Variants in ABCC4 observed in about 807,000 individuals in gnomAD.
ABCC4 encodes ATP binding cassette subfamily C member 4 (PEL blood group), also known as ATP-binding cassette sub-family C member 4.
ABCC4 carries 102 observed loss-of-function variants against 168.5 expected under a neutral mutation model. The ratio of observed to expected loss-of-function variants is 0.61; its 90% CI spans 0.52 to 0.71. ABCC4 has a LOEUF of 0.71. ABCC4 is among the 30% of genes least tolerant of loss of function. The pLI is 0.00. For missense variants in ABCC4, 1,402 were observed against 1,605.8 expected (o/e 0.87, Z 2.17); for synonymous variants, 617 against 590.7 (o/e 1.04, Z -0.65).
At chr13:95,108,357 C>A (rs1007088335) in intron 20 of ABCC4, among the ~76,000 whole-genome samples, 1 of 152,102 alleles carries the variant, frequency 6.6e-6, no homozygotes, top group African/African-American at 2.4e-5. Flanking sequence ...TTGGCTGTGT[C>A]CCCACCCAAA....
At chr13:95,146,123 A>G (rs764307948) in intron 19 of ABCC4, among the ~76,000 whole-genome samples, 1 of 151,484 alleles carries the variant, frequency 6.6e-6, no homozygotes, top group Non-Finnish European at 1.5e-5. Flanking sequence ...AGGCAGGATA[A>G]TTGCTTACAC....
intron 8 of ABCC4, among the ~76,000 whole-genome samples, chr13:95,205,611 G>A (rs543324318): frequency 6.6e-6 from 1 of 152,260 alleles, no homozygotes; most frequent in Non-Finnish European, 1.5e-5. Context: ...TGGCAATTGA[G>A]TGACAGCGAC....
chr13:95,110,623 A>C (rs1392479555), intron 20 of ABCC4, among the ~76,000 whole-genome samples: 2 of 152,194 alleles, frequency 1.3e-5, no homozygotes, highest in African/African-American at 4.8e-5. Flanking sequence ...TTTTAAGAAA[A>C]TGGAAGAAGA....
rs11285335 is a variant in ABCC4 at position 95,054,547 on chromosome 13, T to TA, written c.3367-1364dup. Among the ~76,000 whole-genome samples, 687 of 148,734 alleles carry TA rather than the reference T, an allele frequency of 4.6e-3. 7 individuals carry two copies. The highest frequency in any genetic ancestry group is 0.015 in the African/African-American group (606 of 40,356). The stretch of plus-strand genomic sequence containing the variant: ...TGGGCCACAGAGCAAGTCTCCATCT[T>TA]AAAAAAAAAAACAACAAAAAAACAA... On this transcript the variant is annotated intron_variant, in intron 26 of 30. Coordinates refer to ENST00000645237, the MANE Select transcript of ABCC4 (RefSeq NM_005845.5).
chr13:95,029,265 G>C (rs1462089118), intron 30 of ABCC4, among the ~76,000 whole-genome samples: 1 of 34,970 alleles, frequency 2.9e-5, no homozygotes, highest in African/African-American at 8.7e-5. Flanking sequence ...AAGAGAGAGA[G>C]AGAGAGAGAG....
At position 95,234,625 on chromosome 13, in the gene ABCC4, AT is replaced by A. The variant is rs1366968924; in HGVS notation, c.515del (p.His172LeufsTer2). 1 of 1,613,772 alleles carries A rather than the reference AT, an allele frequency of 6.2e-7. No homozygotes were observed. ...AGMRLRVAMCHMIYRKALRLS... is the reference protein window; with the variant it reads ...AGMRLRVAMCXMIYRKALRLS... Reference sequence around the variant, plus strand: ...TGTCACTTACCTTCCGATAAATCATATGGCACATGGCTACTCGTAACCTCAT... The same window carrying A: ...TGTCACTTACCTTCCGATAAATCATAGGCACATGGCTACTCGTAACCTCAT... On this transcript the variant is annotated frameshift_variant, in exon 4 of 31. Transcript: ENST00000645237. LOFTEE classifies it high-confidence loss of function.
At chr13:95,071,620 A>C in intron 25 of ABCC4, 42 bp downstream of exon 25, 1 of 1,385,270 alleles carries the variant, frequency 7.2e-7, no homozygotes, top group Non-Finnish European at 9.5e-7. Context: ...CATAGCACTA[A>C]ATCTTCTGAA....
intron 30 of ABCC4, among the ~76,000 whole-genome samples, chr13:95,025,573 T>C (rs924985590): frequency 1.7e-4 from 25 of 149,006 alleles, no homozygotes; most frequent in Non-Finnish European, 4.5e-5. Context: ...GAAAATTCCC[T>C]TTAGCCAGAA....
At chr13:95,175,357 G>C (rs1225024026) in intron 13 of ABCC4, among the ~76,000 whole-genome samples, 1 of 152,008 alleles carries the variant, frequency 6.6e-6, no homozygotes, top group Non-Finnish European at 1.5e-5. Flanking sequence ...TCGTCATCCA[G>C]GCTGGAGTGC....
At chr13:95,144,449 A>G (rs1019195914) in intron 19 of ABCC4, among the ~76,000 whole-genome samples, 2 of 152,176 alleles carry the variant, frequency 1.3e-5, no homozygotes, top group African/African-American at 4.8e-5. Context: ...AGGAAAAAGC[A>G]AGTCAAACTA....
At chr13:95,118,895 G>C (rs562591098) in intron 19 of ABCC4, among the ~76,000 whole-genome samples, 2 of 152,264 alleles carry the variant, frequency 1.3e-5, no homozygotes, top group East Asian at 3.9e-4. Flanking sequence ...AATTTCTCTT[G>C]ACAGGGCAGC....
intron 1 of ABCC4, among the ~76,000 whole-genome samples, chr13:95,256,582 C>G (rs1240207495): frequency 6.6e-6 from 1 of 152,036 alleles, no homozygotes; most frequent in Non-Finnish European, 1.5e-5. Context: ...ATGGCAAAAC[C>G]CTGTCTCGAC....
intron 1 of ABCC4, among the ~76,000 whole-genome samples, chr13:95,271,124 A>C (rs2040836739): frequency 6.6e-6 from 1 of 152,204 alleles, no homozygotes; most frequent in Non-Finnish European, 1.5e-5. Flanking sequence ...AATGATAAGC[A>C]GTGGAAAAAT....
Position 95,184,030 on chromosome 13 carries a change from G to A in ABCC4, c.1545+2671C>T, listed in dbSNP as rs1489718297. ...TACCGAGGATGGAACCATGCACAGG[G>A]GGCCAGCAGTCCATGCTTACACACA... is the stretch of plus-strand genomic sequence containing the variant. On this transcript the variant is annotated intron_variant, in intron 11 of 30. Coordinates refer to ENST00000645237, the MANE Select transcript of ABCC4 (RefSeq NM_005845.5). 8.5e-5 allele frequency among the ~76,000 whole-genome samples: 13 copies of A among 152,332 alleles called. No homozygotes were observed. The East Asian group carries it at 2.5e-3, about 29-fold the overall frequency.
At chr13:95,219,859 C>CTT (rs11431283) in intron 4 of ABCC4, among the ~76,000 whole-genome samples, 9 of 148,498 alleles carry the variant, frequency 6.1e-5, no homozygotes, top group African/African-American at 9.9e-5. Context: ...CTTCTTTCTG[C>CTT]TTTTTTTTTC....
At chr13:95,163,753 C>T in intron 16 of ABCC4, 106 bp from the exon 17 acceptor site, 6 of 951,752 alleles carry the variant, frequency 6.3e-6, no homozygotes, top group African/African-American at 3.3e-5. Flanking sequence ...CCCTCAAAGC[C>T]GGGCGTGGTG....
At chr13:95,182,356 A>G (rs990602443) in intron 11 of ABCC4, among the ~76,000 whole-genome samples, 13 of 152,228 alleles carry the variant, frequency 8.5e-5, no homozygotes, top group Non-Finnish European at 1.8e-4. Context: ...TTTTGGATAC[A>G]CACTGCTTAA....
At chr13:95,205,807 A>G (rs2038762704) in intron 8 of ABCC4, among the ~76,000 whole-genome samples, 1 of 152,336 alleles carries the variant, frequency 6.6e-6, no homozygotes, top group South Asian at 2.1e-4. Context: ...GCTGGAGAGA[A>G]CTAACCAGGC....
At chr13:95,265,892 TA>T (rs2040657285) in intron 1 of ABCC4, among the ~76,000 whole-genome samples, 1 of 151,934 alleles carries the variant, frequency 6.6e-6, no homozygotes. Context: ...GGGGAAAGAC[TA>T]AAATGGGGGG....
Sources: allele counts gnomAD v4.1 joint callset (sites outside exome capture counted in the v4.1 genomes callset), GRCh38; gene constraint gnomAD v4.1.1; transcripts MANE v1.5; gene names NCBI Gene and HGNC (gene_info 2026-07-23, HGNC 2026-07-21).